The following EEA1 variants were observed in gnomAD, a reference collection of about 807,000 sequenced individuals.
The protein encoded by EEA1 is early endosome antigen 1, 162kD.
A neutral mutation model predicts 209.2 loss-of-function variants in EEA1; 111 were observed. The ratio of observed to expected loss-of-function variants is 0.53; its 90% CI spans 0.45 to 0.62. The LOEUF is 0.62. EEA1 is among the 20% of genes least tolerant of loss of function. EEA1 has a pLI of 0.00. For synonymous variants in EEA1, 536 were observed against 540.6 expected, an observed-to-expected ratio of 0.99 and a Z score of 0.12; for missense variants, 1,343 against 1,530.8, an observed-to-expected ratio of 0.88 and a Z score of 2.05.
chr12:92,866,611 A>C (rs921606779), intron 2 of EEA1, among the ~76,000 whole-genome samples: 3 of 151,928 alleles, frequency 2.0e-5, no homozygotes, highest in African/African-American at 7.3e-5. Flanking sequence ...TCCTCTTCTG[A>C]CTCAGCATTC....
At chr12:92,842,424 T>C (rs1256248095) in intron 10 of EEA1, 41 bp downstream of exon 10, 2 of 958,760 alleles carry the variant, frequency 2.1e-6, no homozygotes, top group South Asian at 1.5e-5. Flanking sequence ...TTAAAATACA[T>C]AAAATCAATT....
chr12:92,779,823 T>C (rs568242083), intron 24 of EEA1, among the ~76,000 whole-genome samples: 2 of 152,178 alleles, frequency 1.3e-5, no homozygotes, highest in South Asian at 4.1e-4. Context: ...AAGCAAATAA[T>C]AGACAATTAG....
At chr12:92,822,441 T>C (rs544624052) in intron 13 of EEA1, among the ~76,000 whole-genome samples, 1 of 152,338 alleles carries the variant, frequency 6.6e-6, no homozygotes. Flanking sequence ...ACATTATCAA[T>C]TTACTTCTTA....
chr12:92,809,269 AT>A, intron 17 of EEA1, 113 bp from the exon 18 acceptor site: 1 of 701,878 alleles, frequency 1.4e-6, no homozygotes, highest in Non-Finnish European at 2.0e-6. Flanking sequence ...ACAAAAAAAA[AT>A]TTATTATAAT....
At chr12:92,877,918 C>A (rs1282611394) in intron 2 of EEA1, among the ~76,000 whole-genome samples, 1 of 152,064 alleles carries the variant, frequency 6.6e-6, no homozygotes, top group Non-Finnish European at 1.5e-5. Context: ...TTTCTTTTTT[C>A]TTTTCTTGCT....
intron 2 of EEA1, among the ~76,000 whole-genome samples, chr12:92,889,527 T>C (rs555696122): frequency 6.8e-6 from 1 of 148,140 alleles, no homozygotes; most frequent in East Asian, 1.9e-4. Flanking sequence ...TTAACGCTCT[T>C]TGCAAAAAAA....
Position 92,774,592 on chromosome 12 carries a change from CTAAAT to C in EEA1, c.*1414_*1418del, listed in dbSNP as rs1873577373. On this transcript the variant is annotated 3_prime_UTR_variant, in exon 29 of 29. Transcript: ENST00000322349. The stretch of plus-strand genomic sequence containing the variant: ...AATTTTCCAAATTAATAAGACTATG[CTAAAT>C]TAAAGTTCGATTCCATTGTTCAGCA... 1 of 151,648 alleles carries C rather than the reference CTAAAT, an allele frequency of 6.6e-6. No individual in the cohort carries two copies. The allele number at this position is 151,648 out of a possible 1,614,324, so 9.4% of individuals were successfully genotyped here.
At chr12:92,883,822 T>C (rs1879268064) in intron 2 of EEA1, 1 of 1,596,998 alleles carries the variant, frequency 6.3e-7, no homozygotes, top group Admixed American at 1.7e-5. Context: ...GAGGAAGCTC[T>C]TCATTGGAGG....
Position 92,883,806 on chromosome 12 carries a change from A to C in EEA1, c.117+7823T>G, listed in dbSNP as rs1879267583. On this transcript the variant is annotated intron_variant, in intron 2 of 28. Coordinates refer to ENST00000322349, the MANE Select transcript of EEA1 (RefSeq NM_003566.4). ...AGTCAGAGTCTCCTAAAGAGCCCGA[A>C]CAGCTGAGGAAGCTCTTCATTGGAG... 30 of 1,581,010 alleles carry C rather than the reference A, an allele frequency of 1.9e-5. No homozygotes were observed. In the South Asian group the frequency reaches 3.2e-4, roughly 17 times the overall value.
At chr12:92,862,777 T>C (rs893250514) in intron 3 of EEA1, among the ~76,000 whole-genome samples, 5 of 152,170 alleles carry the variant, frequency 3.3e-5, no homozygotes, top group Admixed American at 6.5e-5. Context: ...AACTAAACTT[T>C]ATGATAAATC....
chr12:92,894,144 G>A (rs1045155700), intron 1 of EEA1, among the ~76,000 whole-genome samples: 2 of 152,044 alleles, frequency 1.3e-5, no homozygotes, highest in African/African-American at 4.8e-5. Flanking sequence ...TACTGCAATT[G>A]TTTTGAGGCA....
At chr12:92,880,551 T>C (rs1398011237) in intron 2 of EEA1, among the ~76,000 whole-genome samples, 1 of 152,134 alleles carries the variant, frequency 6.6e-6, no homozygotes, top group Non-Finnish European at 1.5e-5. Flanking sequence ...CTCGGCTCAC[T>C]GTAAGCTCCA....
At chr12:92,798,862 C>T in intron 21 of EEA1, 30 bp downstream of exon 21, 1 of 1,476,156 alleles carries the variant, frequency 6.8e-7, no homozygotes, top group Non-Finnish European at 9.0e-7. Flanking sequence ...AGTTTTTCTT[C>T]CTATAAAAAG....
At chr12:92,906,060 C>T (rs969376329) in intron 1 of EEA1, among the ~76,000 whole-genome samples, 4 of 151,606 alleles carry the variant, frequency 2.6e-5, no homozygotes, top group African/African-American at 9.7e-5. Context: ...ATGAGTGCCA[C>T]CACACCTGGC....
intron 2 of EEA1, chr12:92,883,934 C>G: frequency 1.3e-6 from 2 of 1,535,562 alleles, no homozygotes; most frequent in Non-Finnish European, 1.8e-6. Flanking sequence ...ACAGAGCACT[C>G]CAGGGGCTTT....
chr12:92,803,998 T>C (rs1020960383), intron 18 of EEA1, among the ~76,000 whole-genome samples: 10 of 152,012 alleles, frequency 6.6e-5, no homozygotes, highest in Non-Finnish European at 1.2e-4. Context: ...TTTTTTTAAG[T>C]AACTAAGGGA....
At chr12:92,919,002 T>C (rs1462912616) in intron 1 of EEA1, among the ~76,000 whole-genome samples, 7 of 134,284 alleles carry the variant, frequency 5.2e-5, no homozygotes, top group African/African-American at 2.0e-4. Flanking sequence ...CTAGAAGAAA[T>C]GGATAAATTC....
chr12:92,836,021 CT>C (rs1481296491), intron 10 of EEA1, among the ~76,000 whole-genome samples: 1 of 152,090 alleles, frequency 6.6e-6, no homozygotes, highest in African/African-American at 2.4e-5. Context: ...TGAAGAGTGA[CT>C]TTTTAAACTA....
At chr12:92,800,757 G>A (rs1874873095) in intron 20 of EEA1, among the ~76,000 whole-genome samples, 2 of 152,198 alleles carry the variant, frequency 1.3e-5, no homozygotes, top group Admixed American at 1.3e-4. Context: ...AGAGCACAGA[G>A]ATTAAGTATT....
Sources: allele counts gnomAD v4.1 joint callset (sites outside exome capture counted in the v4.1 genomes callset), GRCh38; gene constraint gnomAD v4.1.1; transcripts MANE v1.5; gene names NCBI Gene and HGNC (gene_info 2026-07-23, HGNC 2026-07-21).